The following DSCAM variants were observed in gnomAD, a reference collection of about 807,000 sequenced individuals.
The protein encoded by DSCAM is cell adhesion molecule DSCAM.
In DSCAM, 47 loss-of-function variants were observed where a neutral mutation model predicts 217.7. That is an observed-to-expected ratio of 0.22 (90% CI 0.17 to 0.28). DSCAM has a LOEUF of 0.28. Among genes scored for constraint, DSCAM ranks in the 10% least tolerant of loss-of-function variants. The pLI is 1.00. For synonymous variants in DSCAM, 1,056 were observed against 1,015.3 expected, an observed-to-expected ratio of 1.04 and a Z score of -0.76; for missense variants, 2,080 against 2,618.3, an observed-to-expected ratio of 0.79 and a Z score of 4.49.
At chr21:40,212,640 T>A (rs189892666) in intron 11 of DSCAM, among the ~76,000 whole-genome samples, 8 of 152,050 alleles carry the variant, frequency 5.3e-5, no homozygotes, top group African/African-American at 1.9e-4. Flanking sequence ...ATAAAGCAGG[T>A]TTTTTAGGGG....
rs190958057 is a variant in DSCAM, at chr21:40,172,692, C to T, written c.2948-5404G>A. Among the ~76,000 whole-genome samples the T allele has an allele frequency of 1.4e-4, 22 of 152,378 alleles. No homozygotes were observed. The East Asian group carries it at 3.7e-3, about 25-fold the overall frequency. ...CATCATTAATTGATATGGGCTCAAT[C>T]ACCCCAGTGAGAACCAGTCCCACAT... On this transcript the variant is annotated intron_variant, in intron 15 of 32. Transcript: ENST00000400454.
At chr21:40,358,531 G>A (rs1283581061) in intron 4 of DSCAM, among the ~76,000 whole-genome samples, 1 of 152,162 alleles carries the variant, frequency 6.6e-6, no homozygotes, top group Non-Finnish European at 1.5e-5. Context: ...AACTGGCCCA[G>A]TGCGGTGACT....
chr21:40,206,242 G>C (rs917372159), intron 11 of DSCAM, among the ~76,000 whole-genome samples: 1 of 152,198 alleles, frequency 6.6e-6, no homozygotes, highest in Non-Finnish European at 1.5e-5. Context: ...CATCCCAGTA[G>C]GTGTGTCCCT....
At chr21:40,516,906 T>TATATATATATATATAC (rs1555849637) in intron 3 of DSCAM, among the ~76,000 whole-genome samples, 1 of 145,566 alleles carries the variant, frequency 6.9e-6, no homozygotes, top group Non-Finnish European at 1.5e-5. Context: ...TATATATATA[T>TATATATATATATATAC]ACACACACAC....
At chr21:40,308,188 T>C (rs2074100673) in intron 9 of DSCAM, among the ~76,000 whole-genome samples, 1 of 152,228 alleles carries the variant, frequency 6.6e-6, no homozygotes, top group Non-Finnish European at 1.5e-5. Flanking sequence ...GGATACGCTA[T>C]GCTGTTGGGG....
intron 8 of DSCAM, among the ~76,000 whole-genome samples, chr21:40,336,833 C>A (rs894570922): frequency 3.3e-5 from 5 of 152,042 alleles, no homozygotes; most frequent in Admixed American, 6.6e-5. Context: ...TGTTGTATTC[C>A]TCAGTGTCTA....
intron 3 of DSCAM, among the ~76,000 whole-genome samples, chr21:40,477,459 T>C (rs538645802): frequency 4.6e-5 from 7 of 152,334 alleles, no homozygotes; most frequent in East Asian, 1.9e-4. Context: ...ATGCTCAGTA[T>C]TGAAGTTCCA....
At chr21:40,833,983 T>A (rs1180426614) in intron 1 of DSCAM, among the ~76,000 whole-genome samples, 1 of 152,118 alleles carries the variant, frequency 6.6e-6, no homozygotes, top group Non-Finnish European at 1.5e-5. Flanking sequence ...ACCAAAAATG[T>A]CTCCAGACAT....
Position 40,013,113 on chromosome 21 carries a change from C to G in DSCAM, c.5960G>C (p.Ser1987Thr). The stretch of plus-strand genomic sequence containing the variant: ...GGAGTCGAGCAGTGATTCTTGGGAG[C>G]TGCTCATTTTAGCTGCCTGTCCCAG... ...AELGQAAKMS[S>T]SQESLLDSRG... The change falls in exon 33 of 33, where the codon AGC becomes ACC. Residue 1987 changes from serine to threonine, a missense_variant. By Grantham distance (58) the Ser-to-Thr change is moderately conservative. Coordinates refer to ENST00000400454, the MANE Select transcript of DSCAM (RefSeq NM_001389.5). 6.2e-7 allele frequency: 1 copy of G among 1,607,346 alleles called. No homozygotes were observed. Among genetic ancestry groups the G allele is most frequent in the South Asian group, 1.1e-5 (1 of 89,834 alleles).
chr21:40,222,012 A>C (rs1484621909), intron 11 of DSCAM, among the ~76,000 whole-genome samples: 2 of 152,152 alleles, frequency 1.3e-5, no homozygotes, highest in Admixed American at 1.3e-4. Flanking sequence ...AAAACTGATA[A>C]ACTATTTTTG....
intron 11 of DSCAM, among the ~76,000 whole-genome samples, chr21:40,275,701 A>G (rs569906106): frequency 1.3e-5 from 2 of 152,306 alleles, no homozygotes; most frequent in South Asian, 4.1e-4. Context: ...TGCATGACAA[A>G]AGGCTTTGTA....
At chr21:40,671,943 T>C (rs1391338012) in intron 3 of DSCAM, among the ~76,000 whole-genome samples, 1 of 151,592 alleles carries the variant, frequency 6.6e-6, no homozygotes, top group Non-Finnish European at 1.5e-5. Flanking sequence ...CAGAAAGTTA[T>C]ATTTTCACAG....
At chr21:40,425,096 A>G (rs1032729806) in intron 3 of DSCAM, among the ~76,000 whole-genome samples, 3 of 152,206 alleles carry the variant, frequency 2.0e-5, no homozygotes, top group Non-Finnish European at 4.4e-5. Context: ...TCCATCTCAA[A>G]AAACAAACAA....
intron 9 of DSCAM, among the ~76,000 whole-genome samples, chr21:40,296,721 C>T (rs956431584): frequency 2.7e-5 from 4 of 150,548 alleles, no homozygotes; most frequent in African/African-American, 9.8e-5. Flanking sequence ...ATCCTAGCTA[C>T]TCAGGAGGCG....
intron 32 of DSCAM, among the ~76,000 whole-genome samples, chr21:40,015,965 G>A (rs1335994948): frequency 1.3e-5 from 2 of 152,286 alleles, no homozygotes; most frequent in African/African-American, 2.4e-5. Flanking sequence ...GGCAGACAAG[G>A]GGTATTTGTG....
intron 3 of DSCAM, among the ~76,000 whole-genome samples, chr21:40,521,056 T>C (rs1242829245): frequency 6.6e-6 from 1 of 152,192 alleles, no homozygotes; most frequent in African/African-American, 2.4e-5. Flanking sequence ...CTTTCTGTGT[T>C]TTACAATAAT....
At chr21:40,717,374 CTG>C (rs1601166375) in intron 1 of DSCAM, among the ~76,000 whole-genome samples, 1 of 152,232 alleles carries the variant, frequency 6.6e-6, no homozygotes, top group Non-Finnish European at 1.5e-5. Flanking sequence ...CCACACAAAA[CTG>C]TGAGCAAATG....
At chr21:40,413,748 C>T (rs1341228226) in intron 3 of DSCAM, among the ~76,000 whole-genome samples, 2 of 152,140 alleles carry the variant, frequency 1.3e-5, no homozygotes, top group Non-Finnish European at 1.5e-5. Flanking sequence ...ATTATTCACA[C>T]AAAGATAAAC....
chr21:40,573,307 C>T (rs1435065824), intron 3 of DSCAM, among the ~76,000 whole-genome samples: 2 of 152,056 alleles, frequency 1.3e-5, no homozygotes, highest in East Asian at 3.9e-4. Context: ...CACTGCACTC[C>T]AGCCTGGGCG....
Sources: gnomAD v4.1 joint callset for allele counts (sites outside exome capture counted in the v4.1 genomes callset) on GRCh38, gnomAD v4.1.1 for gene constraint, MANE v1.5 for transcripts, NCBI Gene and HGNC (gene_info 2026-07-23, HGNC 2026-07-21) for gene names.